The following CDH13 variants were observed in gnomAD, a reference collection of about 807,000 sequenced individuals.
The protein encoded by CDH13 is cadherin-13.
Under a neutral mutation model 63.8 loss-of-function variants are expected in CDH13, and 24 were observed. That is an observed-to-expected ratio of 0.38 (90% CI 0.27 to 0.53). The LOEUF (loss-of-function observed/expected upper bound fraction) is 0.53. Ranked by LOEUF, CDH13 falls within the 20% of genes least tolerant of loss-of-function variation. The pLI is 0.85. For synonymous variants in CDH13, 503 were observed against 355.3 expected, an observed-to-expected ratio of 1.42 and a Z score of -4.67; for missense variants, 1,049 against 903.1, an observed-to-expected ratio of 1.16 and a Z score of -2.07.
intron 2 of CDH13, among the ~76,000 whole-genome samples, chr16:83,012,661 G>A (rs1323201887): frequency 1.3e-5 from 2 of 152,102 alleles, no homozygotes; most frequent in African/African-American, 4.8e-5. Flanking sequence ...ACCCGAACTT[G>A]ATCTAAGCAT....
At chr16:83,423,815 C>T (rs948960911) in intron 6 of CDH13, among the ~76,000 whole-genome samples, 2 of 152,340 alleles carry the variant, frequency 1.3e-5, no homozygotes, top group South Asian at 4.1e-4. Flanking sequence ...TTGAGCATTC[C>T]TGCCAATCTT....
chr16:82,984,001 T>A (rs544994761), intron 2 of CDH13, among the ~76,000 whole-genome samples: 2 of 152,228 alleles, frequency 1.3e-5, no homozygotes, highest in Admixed American at 1.3e-4. Context: ...CTGCCGTGGG[T>A]GGGAAGCTGG....
At chr16:83,405,157 A>G (rs1373110644) in intron 6 of CDH13, among the ~76,000 whole-genome samples, 2 of 152,124 alleles carry the variant, frequency 1.3e-5, no homozygotes, top group Non-Finnish European at 2.9e-5. Flanking sequence ...AATCTTAACA[A>G]TTCTATGTGC....
intron 12 of CDH13, among the ~76,000 whole-genome samples, chr16:83,781,935 A>G (rs1232521341): frequency 6.6e-6 from 1 of 152,062 alleles, no homozygotes; most frequent in Non-Finnish European, 1.5e-5. Flanking sequence ...CAATTAAAAA[A>G]AAAAAGAAGA....
chr16:83,236,218 C>G lies in CDH13; in HGVS notation c.636+18721C>G, dbSNP rs986113890. ...AACATAAGAACTGAGAGATAGCCCC[C>G]TGCAACACACACGCACATGCACACA... is the stretch of plus-strand genomic sequence containing the variant. On this transcript the variant is annotated intron_variant, in intron 5 of 13. Coordinates refer to ENST00000567109, the MANE Select transcript of CDH13 (RefSeq NM_001257.5). Among the ~76,000 whole-genome samples the G allele has an allele frequency of 2.5e-5, 3 of 119,172 alleles. 1 individual carries two copies. The highest frequency in any genetic ancestry group is 5.0e-5 in the Non-Finnish European group (3 of 59,628). 78.2% of individuals were successfully genotyped at this position (119,172 alleles called of 152,430 possible). A position where few individuals can be genotyped will look rare whatever the true frequency, so the allele number is the denominator to read the frequency against.
intron 1 of CDH13, among the ~76,000 whole-genome samples, chr16:82,792,777 G>T (rs2036382957): frequency 6.6e-6 from 1 of 152,226 alleles, no homozygotes; most frequent in Non-Finnish European, 1.5e-5. Flanking sequence ...CTAGTTGAAT[G>T]ACTGTTTATT....
intron 3 of CDH13, among the ~76,000 whole-genome samples, chr16:83,106,959 C>G (rs576182967): frequency 2.1e-4 from 32 of 152,134 alleles, no homozygotes; most frequent in Non-Finnish European, 3.7e-4. Context: ...GTGCATCCCT[C>G]CTACCGAATG....
intron 1 of CDH13, chr16:82,773,551 T>G (rs2151100336): frequency 6.6e-6 from 1 of 152,352 alleles, no homozygotes; most frequent in South Asian, 2.1e-4. Context: ...CAGGTGCTTT[T>G]ATCATGTGTT....
At chr16:82,739,993 G>A (rs2033857372) in intron 1 of CDH13, among the ~76,000 whole-genome samples, 4 of 152,112 alleles carry the variant, frequency 2.6e-5, no homozygotes. Flanking sequence ...GCAAGTGAAA[G>A]CAAAATACCA....
chr16:83,645,724 C>T (rs1220044393), intron 8 of CDH13, among the ~76,000 whole-genome samples: 1 of 151,840 alleles, frequency 6.6e-6, no homozygotes, highest in African/African-American at 2.4e-5. Flanking sequence ...TTGCTAGCCC[C>T]TGCAGGTGGC....
intron 6 of CDH13, among the ~76,000 whole-genome samples, chr16:83,445,516 C>T (rs2072661634): frequency 6.6e-6 from 1 of 152,116 alleles, no homozygotes; most frequent in African/African-American, 2.4e-5. Context: ...AGCCAAGATT[C>T]TGGACCGATA....
chr16:83,492,242 T>C (rs1480766297), intron 7 of CDH13, among the ~76,000 whole-genome samples: 1 of 152,196 alleles, frequency 6.6e-6, no homozygotes, highest in East Asian at 1.9e-4. Context: ...GTGCCTTCAA[T>C]GAAAGATAGA....
In CDH13 at chr16:83,643,298, A is replaced by AAGG. The variant is rs1555507569; in HGVS notation, c.1102-27491_1102-27490insGGA. Among the ~76,000 whole-genome samples, 16 of 42,528 alleles carry AAGG rather than the reference A, an allele frequency of 3.8e-4. 2 individuals are homozygous for AAGG. The highest frequency in any genetic ancestry group is 1.9e-3 in the African/African-American group (16 of 8,260). The allele number at this position is 42,528 out of a possible 152,430, so 27.9% of individuals were successfully genotyped here. ...TAGAGTATAATAAAAAAAAAAAAAA[A>AAGG]AAAGAAAAAAAAAATTTAACAGATC... On this transcript the variant is annotated intron_variant, in intron 8 of 13. Transcript: ENST00000567109.
chr16:83,092,345 C>A (rs760410186), intron 3 of CDH13, among the ~76,000 whole-genome samples: 5 of 152,200 alleles, frequency 3.3e-5, no homozygotes, highest in Non-Finnish European at 1.5e-5. Flanking sequence ...ATTTGATTGA[C>A]GGCTACTGTT....
At chr16:83,337,471 T>A (rs1453631134) in intron 5 of CDH13, among the ~76,000 whole-genome samples, 2 of 152,074 alleles carry the variant, frequency 1.3e-5, no homozygotes, top group Admixed American at 6.6e-5. Context: ...CATGCCCCCT[T>A]GAAGTACAGA....
At chr16:83,632,876 G>A (rs1181954645) in intron 8 of CDH13, among the ~76,000 whole-genome samples, 2 of 151,396 alleles carry the variant, frequency 1.3e-5, no homozygotes, top group Non-Finnish European at 2.9e-5. Context: ...GATTATTCTT[G>A]GGTTTTCCGG....
chr16:83,426,908 T>C (rs1360063410), intron 6 of CDH13, among the ~76,000 whole-genome samples: 5 of 27,034 alleles, frequency 1.8e-4, no homozygotes, highest in Non-Finnish European at 1.5e-4. Context: ...TGTTTCTTTC[T>C]TTTTTTTTTT....
At chr16:83,082,931 C>T (rs2033352001) in intron 3 of CDH13, among the ~76,000 whole-genome samples, 1 of 152,220 alleles carries the variant, frequency 6.6e-6, no homozygotes, top group Non-Finnish European at 1.5e-5. Flanking sequence ...TATGTCTATT[C>T]CCAGACAGTG....
chr16:83,715,795 G>A (rs1169661098), intron 10 of CDH13, among the ~76,000 whole-genome samples: 1 of 152,086 alleles, frequency 6.6e-6, no homozygotes, highest in East Asian at 1.9e-4. Context: ...GCTCGGGGAT[G>A]GTCAACCTTG....
Sources: allele counts gnomAD v4.1 joint callset (sites outside exome capture counted in the v4.1 genomes callset), GRCh38; gene constraint gnomAD v4.1.1; transcripts MANE v1.5; gene names NCBI Gene and HGNC (gene_info 2026-07-23, HGNC 2026-07-21).